The following AKAP19 variants were observed in gnomAD, a reference collection of about 807,000 sequenced individuals.
AKAP19 encodes A-kinase anchoring protein 19, also known as small A-kinase anchoring protein.
chr2:190,097,932 T>C, the AKAP19 span, among the ~76,000 whole-genome samples: 3 of 150,790 alleles, frequency 2.0e-5, no homozygotes. Context: ...CAGTAAGTCC[T>C]CATCTGTTCA....
At chr2:190,087,821 T>A in the AKAP19 span, among the ~76,000 whole-genome samples, 2 of 152,230 alleles carry the variant, frequency 1.3e-5, no homozygotes, top group Non-Finnish European at 2.9e-5. Flanking sequence ...ACCTTTCTAG[T>A]CAGAATGGGA....
the AKAP19 span, among the ~76,000 whole-genome samples, chr2:190,092,753 T>C: frequency 6.6e-6 from 1 of 152,194 alleles, no homozygotes; most frequent in Non-Finnish European, 1.5e-5. Context: ...CCCAAATCCT[T>C]GCCAGTCCAG....
At chr2:189,945,506 C>T in the AKAP19 span, among the ~76,000 whole-genome samples, 1 of 152,172 alleles carries the variant, frequency 6.6e-6, no homozygotes, top group Non-Finnish European at 1.5e-5. Context: ...TAAGTCATTC[C>T]TGAATTCCTA....
the AKAP19 span, among the ~76,000 whole-genome samples, chr2:189,994,304 G>A: frequency 1.3e-5 from 2 of 151,880 alleles, no homozygotes; most frequent in Admixed American, 6.6e-5. Context: ...GAGCTGCCGC[G>A]CCCAGCCTGA....
chr2:190,149,869 T>C, the AKAP19 span, among the ~76,000 whole-genome samples: 21 of 152,196 alleles, frequency 1.4e-4, no homozygotes, highest in African/African-American at 5.1e-4. Context: ...CACTGTTTCT[T>C]TGTTGACTTT....
the AKAP19 span, among the ~76,000 whole-genome samples, chr2:189,989,061 T>A: frequency 6.6e-6 from 1 of 152,222 alleles, no homozygotes; most frequent in African/African-American, 2.4e-5. Context: ...TAGACTGTTC[T>A]TTTAGATTGT....
chr2:189,907,513 A>G, the AKAP19 span, among the ~76,000 whole-genome samples: 2 of 152,238 alleles, frequency 1.3e-5, no homozygotes, highest in African/African-American at 2.4e-5. Context: ...TCTATACTAT[A>G]TAATCTACGT....
At chr2:189,955,949 A>G in the AKAP19 span, among the ~76,000 whole-genome samples, 1 of 152,108 alleles carries the variant, frequency 6.6e-6, no homozygotes, top group Admixed American at 6.5e-5. Context: ...ATTATTGTTT[A>G]GCCATTTGTT....
chr2:189,971,988 T>G, the AKAP19 span, among the ~76,000 whole-genome samples: 121 of 152,254 alleles, frequency 7.9e-4, 3 homozygotes, highest in African/African-American at 2.7e-3. Context: ...TTAGTTTAAT[T>G]AGATCCCATT....
At chr2:189,913,205 A>G in the AKAP19 span, among the ~76,000 whole-genome samples, 1 of 152,158 alleles carries the variant, frequency 6.6e-6, no homozygotes, top group African/African-American at 2.4e-5. Context: ...AAAGAAAGCA[A>G]CTGGAACACC....
At chr2:189,954,786 G>A in the AKAP19 span, among the ~76,000 whole-genome samples, 6 of 152,096 alleles carry the variant, frequency 3.9e-5, no homozygotes, top group Non-Finnish European at 7.4e-5. Flanking sequence ...TCATTTATCA[G>A]CAAAAATGAT....
At chr2:190,164,890 G>A in the AKAP19 span, among the ~76,000 whole-genome samples, 1 of 152,176 alleles carries the variant, frequency 6.6e-6, no homozygotes, top group African/African-American at 2.4e-5. Flanking sequence ...AAATACAGAT[G>A]CTATGGATAG....
the AKAP19 span, among the ~76,000 whole-genome samples, chr2:189,908,039 C>T: frequency 1.3e-5 from 2 of 151,950 alleles, no homozygotes; most frequent in Non-Finnish European, 2.9e-5. Flanking sequence ...GTCTTTCTAG[C>T]CTCCATTTCA....
At chr2:190,130,761 A>G in the AKAP19 span, among the ~76,000 whole-genome samples, 1 of 152,216 alleles carries the variant, frequency 6.6e-6, no homozygotes, top group African/African-American at 2.4e-5. Context: ...TAAGGTACAA[A>G]CAGCGGTAGA....
At chr2:189,965,435 T>C in the AKAP19 span, among the ~76,000 whole-genome samples, 590 of 151,828 alleles carry the variant, frequency 3.9e-3, 1 homozygote, top group African/African-American at 0.014. Flanking sequence ...TACAAGGAAC[T>C]CAAACAAATT....
the AKAP19 span, among the ~76,000 whole-genome samples, chr2:190,112,695 A>G: frequency 6.6e-6 from 1 of 152,112 alleles, no homozygotes; most frequent in Non-Finnish European, 1.5e-5. Context: ...GATTTTAACC[A>G]TACTTGATCA....
the AKAP19 span, among the ~76,000 whole-genome samples, chr2:190,123,080 G>A: frequency 6.6e-6 from 1 of 151,972 alleles, no homozygotes; most frequent in Non-Finnish European, 1.5e-5. Context: ...CCAAAGCACT[G>A]GGATTACTAG....
chr2:189,893,491 C>T, the AKAP19 span, among the ~76,000 whole-genome samples: 1 of 152,232 alleles, frequency 6.6e-6, no homozygotes, highest in East Asian at 1.9e-4. Flanking sequence ...TGACCCCTTG[C>T]ACTTGCCGGG....
the AKAP19 span, among the ~76,000 whole-genome samples, chr2:189,931,449 A>G: frequency 1.3e-5 from 2 of 151,846 alleles, no homozygotes; most frequent in African/African-American, 4.8e-5. Flanking sequence ...TTAACCTCAA[A>G]CTCCCAGGCT....
Sources: gnomAD v4.1 joint callset for allele counts (sites outside exome capture counted in the v4.1 genomes callset) on GRCh38, gnomAD v4.1.1 for gene constraint, MANE v1.5 for transcripts, NCBI Gene and HGNC (gene_info 2026-07-23, HGNC 2026-07-21) for gene names.